KLF8: variants seen among roughly 807,000 people sequenced by gnomAD.
KLF8 encodes the protein Krueppel-like factor 8.
Under a neutral mutation model 18.2 loss-of-function variants are expected in KLF8, and 10 were observed. That is an observed-to-expected ratio of 0.55 (90% CI 0.34 to 0.93). KLF8 has a LOEUF of 0.93. Ranked by LOEUF, KLF8 falls within the 40% of genes least tolerant of loss-of-function variation. The pLI is 0.02. For missense variants in KLF8, 264 were observed against 277.9 expected (o/e 0.95, Z 0.36); for synonymous variants, 109 against 97.3 (o/e 1.12, Z -0.71).
At chrX:56,160,776 T>G in the KLF8 span, among the ~76,000 whole-genome samples, 15 of 111,427 alleles carry the variant, frequency 1.3e-4, no homozygotes, top group Admixed American at 4.8e-4. Flanking sequence ...TTTGAGCCTA[T>G]GTGTGTCTCT....
the KLF8 span, among the ~76,000 whole-genome samples, chrX:56,107,137 T>C: frequency 1.8e-5 from 2 of 111,806 alleles, no homozygotes; most frequent in African/African-American, 6.5e-5. Flanking sequence ...TTTCGGCTCC[T>C]ACTGGGAGGT....
At chrX:55,953,706 A>G in the KLF8 span, among the ~76,000 whole-genome samples, 2 of 111,065 alleles carry the variant, frequency 1.8e-5, no homozygotes, top group African/African-American at 6.5e-5. Flanking sequence ...AAGGTGCCAA[A>G]ACAATTTAAT....
the KLF8 span, among the ~76,000 whole-genome samples, chrX:56,075,805 A>G: frequency 8.9e-6 from 1 of 111,978 alleles, no homozygotes; most frequent in East Asian, 2.8e-4. Context: ...ACTTAACATA[A>G]TGATCTCCAG....
At chrX:55,960,452 T>C in the KLF8 span, among the ~76,000 whole-genome samples, 276 of 110,683 alleles carry the variant, frequency 2.5e-3, 2 homozygotes, top group Non-Finnish European at 3.9e-3. Context: ...GGGGCAGAGG[T>C]TGCGGTGAGC....
At chrX:56,070,090 T>C in the KLF8 span, among the ~76,000 whole-genome samples, 1 of 112,441 alleles carries the variant, frequency 8.9e-6, no homozygotes, top group Non-Finnish European at 1.9e-5. Flanking sequence ...AATAAGTTCA[T>C]GTTGTTTGCA....
the KLF8 span, among the ~76,000 whole-genome samples, chrX:56,040,755 CTCCTTT>C: frequency 1.2e-5 from 1 of 80,726 alleles, no homozygotes; most frequent in African/African-American, 4.0e-5. Context: ...GGAGGAGTTC[CTCCTTT>C]TCAATTTTTT....
the KLF8 span, among the ~76,000 whole-genome samples, chrX:56,121,017 T>A: frequency 9.1e-6 from 1 of 109,403 alleles, no homozygotes; most frequent in Non-Finnish European, 1.9e-5. Flanking sequence ...AAACCCCGTC[T>A]CTACTGAAAA....
chrX:56,207,630 T>G, the KLF8 span, among the ~76,000 whole-genome samples: 2 of 111,426 alleles, frequency 1.8e-5, no homozygotes, highest in African/African-American at 6.5e-5. Flanking sequence ...GCTTGGACTT[T>G]ATTGCCCATA....
the KLF8 span, among the ~76,000 whole-genome samples, chrX:56,210,724 A>G: frequency 9.1e-6 from 1 of 109,386 alleles, no homozygotes; most frequent in South Asian, 3.9e-4. Context: ...TTTCATTTTT[A>G]AATTTTTTTT....
chrX:56,115,882 T>C, the KLF8 span, among the ~76,000 whole-genome samples: 2 of 112,243 alleles, frequency 1.8e-5, no homozygotes, highest in South Asian at 3.7e-4. Flanking sequence ...GTAAGTACCA[T>C]ACCTAAGGTC....
At chrX:56,086,249 T>A in the KLF8 span, among the ~76,000 whole-genome samples, 2 of 112,026 alleles carry the variant, frequency 1.8e-5, no homozygotes, top group Admixed American at 9.5e-5. Flanking sequence ...TTTCTCTACT[T>A]AATTCATACT....
chrX:55,987,562 G>A, the KLF8 span, among the ~76,000 whole-genome samples: 1 of 111,914 alleles, frequency 8.9e-6, no homozygotes, highest in South Asian at 3.7e-4. Context: ...AGTATTCCAT[G>A]GTGTATATGT....
chrX:56,187,304 C>A, the KLF8 span, among the ~76,000 whole-genome samples: 2 of 111,245 alleles, frequency 1.8e-5, no homozygotes, highest in Admixed American at 1.9e-4. Context: ...ACACATACAC[C>A]CTCCCAAGAC....
the KLF8 span, among the ~76,000 whole-genome samples, chrX:56,163,026 G>T: frequency 1.8e-5 from 2 of 111,941 alleles, no homozygotes; most frequent in Non-Finnish European, 3.8e-5. Flanking sequence ...CTATGTCTTT[G>T]CTATTGCAAA....
the KLF8 span, among the ~76,000 whole-genome samples, chrX:56,102,944 A>G: frequency 1.2e-5 from 1 of 82,105 alleles, no homozygotes; most frequent in Non-Finnish European, 2.2e-5. Context: ...ATGCTTTATG[A>G]GTTCTTATGG....
chrX:56,269,252 G>A, intron 3 of KLF8, 126 bp from the exon 4 acceptor site: 1 of 1,044,670 alleles, frequency 9.6e-7, no homozygotes, highest in East Asian at 3.6e-5. Context: ...CTTTCATCTT[G>A]TTTTTTATTT....
At chrX:55,943,668 T>G in the KLF8 span, among the ~76,000 whole-genome samples, 2 of 112,192 alleles carry the variant, frequency 1.8e-5, no homozygotes, top group Non-Finnish European at 3.8e-5. Context: ...GCAAATGTTG[T>G]TCAGTGTAAG....
chrX:56,226,056 T>C, the KLF8 span, among the ~76,000 whole-genome samples: 1 of 111,955 alleles, frequency 8.9e-6, no homozygotes, highest in Non-Finnish European at 1.9e-5. Context: ...AGAGGGCCCA[T>C]TAGCCCAAAC....
intron 5 of KLF8, among the ~76,000 whole-genome samples, chrX:56,279,457 C>G (rs1455449465): frequency 8.9e-6 from 1 of 111,861 alleles, no homozygotes; most frequent in African/African-American, 3.3e-5. Flanking sequence ...AAGGAGCAAG[C>G]TATGTAAAAA....
Sources: allele counts gnomAD v4.1 joint callset (sites outside exome capture counted in the v4.1 genomes callset), GRCh38; gene constraint gnomAD v4.1.1; transcripts MANE v1.5; gene names NCBI Gene and HGNC (gene_info 2026-07-23, HGNC 2026-07-21).